Variants in SAMMSON observed in about 807,000 individuals in gnomAD.
The protein encoded by SAMMSON is survival associated mitochondrial melanoma specific oncogenic non-coding RNA.
intron 4 of SAMMSON, among the ~76,000 whole-genome samples, chr3:70,241,702 C>G (rs1487306163): frequency 6.6e-6 from 1 of 152,184 alleles, no homozygotes; most frequent in East Asian, 1.9e-4. Flanking sequence ...TCATGTCCTG[C>G]TGTTCCTAAA....
chr3:70,369,021 A>AT (rs1216118792), intron 9 of SAMMSON, among the ~76,000 whole-genome samples: 2 of 151,552 alleles, frequency 1.3e-5, no homozygotes, highest in South Asian at 2.1e-4. Context: ...ATTTTCTTTG[A>AT]TTTTTTTAAA....
At chr3:70,287,694 C>G (rs1217879511) in intron 6 of SAMMSON, among the ~76,000 whole-genome samples, 2 of 151,850 alleles carry the variant, frequency 1.3e-5, no homozygotes, top group South Asian at 2.1e-4. Flanking sequence ...GTCCTGGACT[C>G]TTTTTGGTTG....
intron 9 of SAMMSON, among the ~76,000 whole-genome samples, chr3:70,383,674 A>AT (rs1703093138): frequency 2.0e-5 from 3 of 151,978 alleles, no homozygotes; most frequent in Non-Finnish European, 4.4e-5. Context: ...AGAGGGGATG[A>AT]TTGGTGCCAC....
At chr3:70,351,241 A>C (rs1702793496) in intron 7 of SAMMSON, among the ~76,000 whole-genome samples, 1 of 152,132 alleles carries the variant, frequency 6.6e-6, no homozygotes. Context: ...GATTCTAAGA[A>C]AAAGTAAGTT....
chr3:70,371,868 A>G (rs1440631752), intron 9 of SAMMSON, among the ~76,000 whole-genome samples: 2 of 152,088 alleles, frequency 1.3e-5, no homozygotes, highest in East Asian at 3.8e-4. Context: ...TTCCAGTACT[A>G]GGTTAAATAA....
chr3:70,061,039 G>A (rs942495245), intron 3 of SAMMSON, among the ~76,000 whole-genome samples: 1 of 152,076 alleles, frequency 6.6e-6, no homozygotes, highest in Non-Finnish European at 1.5e-5. Context: ...GGAGGAAAAA[G>A]GATGTATGCC....
intron 9 of SAMMSON, among the ~76,000 whole-genome samples, chr3:70,388,400 C>G (rs1307847625): frequency 2.6e-5 from 4 of 152,004 alleles, no homozygotes; most frequent in African/African-American, 9.7e-5. Flanking sequence ...CAACCCTTCT[C>G]TAAAAAAAAC....
chr3:70,358,507 T>C lies in SAMMSON; in HGVS notation n.913+183T>C, dbSNP rs1702846095. 2.0e-5 allele frequency among the ~76,000 whole-genome samples: 3 copies of C among 152,138 alleles called. No individual in the cohort carries two copies. The South Asian group carries it at 6.2e-4, about 31-fold the overall frequency. On this transcript the variant is annotated intron_variant and non_coding_transcript_variant, in intron 9 of 9. Transcript: ENST00000642114. ...CAGGTGATCCCTAGTGCAATGCTTC[T>C]GGTTGTTGGCTCATGGAAGGCCTCT...
intron 6 of SAMMSON, among the ~76,000 whole-genome samples, chr3:70,274,968 T>G (rs1182610131): frequency 6.6e-6 from 1 of 152,122 alleles, no homozygotes; most frequent in African/African-American, 2.4e-5. Flanking sequence ...TATTACTGTT[T>G]GAAACTATTT....
At chr3:70,121,590 A>G (rs1210791728) in intron 4 of SAMMSON, among the ~76,000 whole-genome samples, 2 of 152,204 alleles carry the variant, frequency 1.3e-5, no homozygotes, top group African/African-American at 4.8e-5. Flanking sequence ...TTTATAGTCG[A>G]GCATGGTTTT....
chr3:70,352,574 A>G (rs1340441431), intron 7 of SAMMSON, among the ~76,000 whole-genome samples: 1 of 152,130 alleles, frequency 6.6e-6, no homozygotes, highest in Non-Finnish European at 1.5e-5. Context: ...GGAAGAAATG[A>G]AAAGCATGCT....
At chr3:70,056,141 C>A (rs1247821339) in intron 3 of SAMMSON, among the ~76,000 whole-genome samples, 1 of 152,010 alleles carries the variant, frequency 6.6e-6, no homozygotes, top group Non-Finnish European at 1.5e-5. Context: ...CTTGTCACAC[C>A]TCAAAGTTAG....
At chr3:70,092,126 C>T (rs1449248537) in intron 4 of SAMMSON, among the ~76,000 whole-genome samples, 1 of 152,128 alleles carries the variant, frequency 6.6e-6, no homozygotes, top group Non-Finnish European at 1.5e-5. Context: ...ATGAACCTCT[C>T]TGGTCTCAAT....
At chr3:70,409,735 C>A (rs1701203665) in intron 2 of SAMMSON, among the ~76,000 whole-genome samples, 1 of 152,118 alleles carries the variant, frequency 6.6e-6, no homozygotes, top group South Asian at 2.1e-4. Flanking sequence ...CTTTTATTAT[C>A]CTTGTTGGTG....
chr3:70,341,362 A>T (rs1032137765), intron 7 of SAMMSON, among the ~76,000 whole-genome samples: 1 of 152,120 alleles, frequency 6.6e-6, no homozygotes, highest in Non-Finnish European at 1.5e-5. Flanking sequence ...GCAACCAAGA[A>T]TATTGTTTTT....
intron 4 of SAMMSON, among the ~76,000 whole-genome samples, chr3:70,168,706 G>T (rs1445009507): frequency 6.6e-6 from 1 of 151,932 alleles, no homozygotes; most frequent in Non-Finnish European, 1.5e-5. Flanking sequence ...TTAGGCGTAC[G>T]TGGAGTGGAG....
At chr3:70,190,709 T>C (rs544464190) in intron 4 of SAMMSON, among the ~76,000 whole-genome samples, 3 of 152,208 alleles carry the variant, frequency 2.0e-5, no homozygotes, top group Non-Finnish European at 4.4e-5. Context: ...TATTGTTGCT[T>C]GGAGTGAAAG....
chr3:70,122,779 A>G (rs2067440343), intron 4 of SAMMSON, among the ~76,000 whole-genome samples: 1 of 152,244 alleles, frequency 6.6e-6, no homozygotes, highest in Non-Finnish European at 1.5e-5. Context: ...GTTTTGCAAA[A>G]TAAGTTTTTT....
intron 7 of SAMMSON, among the ~76,000 whole-genome samples, chr3:70,295,623 T>G (rs1488166413): frequency 6.6e-6 from 1 of 152,096 alleles, no homozygotes; most frequent in South Asian, 2.1e-4. Context: ...GCCCAAGAGG[T>G]TGAGCCTGCA....
Sources: allele counts gnomAD v4.1 joint callset (sites outside exome capture counted in the v4.1 genomes callset), GRCh38; gene constraint gnomAD v4.1.1; transcripts MANE v1.5; gene names NCBI Gene and HGNC (gene_info 2026-07-23, HGNC 2026-07-21).